HEATR1: variants seen among roughly 807,000 people sequenced by gnomAD.
HEATR1 encodes HEAT repeat-containing protein 1.
HEATR1 carries 77 observed loss-of-function variants against 248.2 expected under a neutral mutation model. The observed-to-expected ratio is 0.31, with a 90% CI of 0.26 to 0.37. HEATR1 has a LOEUF of 0.37. Among genes scored for constraint, HEATR1 ranks in the 10% least tolerant of loss-of-function variants. The pLI is 1.00. For missense variants in HEATR1, 2,420 were observed against 2,504.9 expected, an observed-to-expected ratio of 0.97 and a Z score of 0.72; for synonymous variants, 897 against 923.1, an observed-to-expected ratio of 0.97 and a Z score of 0.51.
Position 236,599,576 on chromosome 1 carries a change from C to G in HEATR1, c.408G>C (p.Leu136=). 6.2e-7 allele frequency: 1 copy of G among 1,613,586 alleles called. No individual in the cohort carries two copies. Among genetic ancestry groups the G allele is most frequent in the Non-Finnish European group, 8.5e-7 (1 of 1,179,726 alleles). The change falls in exon 4 of 45, where the codon CTG becomes CTC. Residue 136 remains leucine, a synonymous_variant. Coordinates refer to ENST00000366582, the MANE Select transcript of HEATR1 (RefSeq NM_018072.6). The part of the protein sequence containing the change: ...YNQDSLIACV[L]PYHETRIFVR... ...CAAATATTCTTGTCTCGTGGTATGGCAGAACACAAGCAATGAGGCTATCTT... is the reference window on the plus strand; with the variant it reads ...CAAATATTCTTGTCTCGTGGTATGGGAGAACACAAGCAATGAGGCTATCTT...
chr1:236,573,271 C>T (rs1023057526), intron 24 of HEATR1, among the ~76,000 whole-genome samples: 3 of 152,124 alleles, frequency 2.0e-5, no homozygotes, highest in Non-Finnish European at 2.9e-5. Context: ...TCATCCATAC[C>T]GATTGTTTCC....
In HEATR1 at chr1:236,592,060, G is replaced by A. The variant is rs777080330; in HGVS notation, c.1355C>T (p.Ala452Val). Residue 452 changes from alanine (A) to valine (V), a missense_variant, in exon 11 of 45, where the codon GCA (alanine) becomes GTA (valine). Physicochemically the swap from Ala to Val is moderately conservative, Grantham distance 64. Coordinates refer to ENST00000366582, the MANE Select transcript of HEATR1 (RefSeq NM_018072.6). The stretch of plus-strand genomic sequence containing the variant: ...GAAAAGCTCTTGTTTTTTCAGATCT[G>A]CAATTTCCTTTAAGTGTTCCTCTAA... Reference protein sequence around the residue: ...VVLEEHLKEIADLKKQELFHQ... With the variant: ...VVLEEHLKEIVDLKKQELFHQ... 2 of 1,608,390 alleles carry A rather than the reference G, an allele frequency of 1.2e-6. No homozygotes were observed. Among genetic ancestry groups the A allele is most frequent in the Admixed American group, 1.7e-5 (1 of 59,968 alleles).
chr1:236,587,431 T>G lies in HEATR1; in HGVS notation c.1686A>C (p.Gln562His), dbSNP rs772707877. The change falls in exon 14 of 45, where the codon CAA becomes CAC. Residue 562 changes from glutamine (Q) to histidine (H), a missense_variant. By Grantham distance (24) the Gln-to-His change is conservative. Coordinates refer to ENST00000366582, the MANE Select transcript of HEATR1 (RefSeq NM_018072.6). ...VTISNLLNLF[Q>H]RAELSKNGEW... is the part of the protein sequence containing the mutation. ...CTCCATTCTTTGAAAGTTCTGCTCT[T>G]TGAAAGAGATTCAGAAGATTTGAAA... 3 of 1,536,128 alleles carry G rather than the reference T, an allele frequency of 2.0e-6. No individual in the cohort carries two copies. In the South Asian group the frequency reaches 3.8e-5, roughly 20 times the overall value.
At chr1:236,595,718 G>T (rs773211842) in intron 7 of HEATR1, 45 bp from the exon 8 acceptor site, 1 of 1,570,550 alleles carries the variant, frequency 6.4e-7, no homozygotes, top group South Asian at 1.2e-5. Context: ...TTACAAGTTA[G>T]ACAATGAGTA....
intron 28 of HEATR1, among the ~76,000 whole-genome samples, chr1:236,570,909 A>C (rs1663408919): frequency 6.6e-6 from 1 of 152,202 alleles, no homozygotes; most frequent in Non-Finnish European, 1.5e-5. Context: ...TTTTTCATAA[A>C]AGGGACATGA....
chr1:236,567,778 G>T (rs1360553554), intron 29 of HEATR1, among the ~76,000 whole-genome samples: 1 of 152,196 alleles, frequency 6.6e-6, no homozygotes. Flanking sequence ...TGCCAAATAT[G>T]TGACACTGAT....
At chr1:236,587,517 G>A (rs1364374435) in intron 13 of HEATR1, 27 bp from the exon 14 acceptor site, 3 of 1,173,436 alleles carry the variant, frequency 2.6e-6, no homozygotes, top group Non-Finnish European at 3.6e-6. Flanking sequence ...ATCCAGAGTA[G>A]ATTTGTACTT....
chr1:236,569,815 A>G (rs1663375452), intron 28 of HEATR1, among the ~76,000 whole-genome samples: 1 of 152,222 alleles, frequency 6.6e-6, no homozygotes, highest in African/African-American at 2.4e-5. Context: ...ACATGTCCAC[A>G]CAAAACCATG....
chr1:236,576,720 AAAATTGCTCCAGTACACAGAGGCATG>A, intron 21 of HEATR1, 34 bp downstream of exon 21: 1 of 1,460,994 alleles, frequency 6.8e-7, no homozygotes, highest in South Asian at 1.4e-5. Flanking sequence ...GAGAATGGAG[AAAATTGCTCCAGTACACAGAGGCATG>A]AACACACTCA....
At chr1:236,570,095 T>C (rs867391543) in intron 28 of HEATR1, among the ~76,000 whole-genome samples, 1 of 152,118 alleles carries the variant, frequency 6.6e-6, no homozygotes, top group Non-Finnish European at 1.5e-5. Flanking sequence ...GAGACCATCC[T>C]GGCTAACACG....
intron 17 of HEATR1, 62 bp downstream of exon 17, chr1:236,584,963 C>T: frequency 7.0e-7 from 1 of 1,425,076 alleles, no homozygotes; most frequent in Non-Finnish European, 9.6e-7. Flanking sequence ...TTTGCTGTGA[C>T]TAATAGGCCA....
At position 236,564,658 on chromosome 1, in the gene HEATR1, G is replaced by T. The variant is rs202229409; in HGVS notation, c.4439C>A (p.Thr1480Asn). ...ATTAAATGACACTGCTTTGGGAATG[G>T]TTTCTGAAACAGCAATAAAACAAGT... ...LLKLPEEKEE[T>N]IPKAVSFNKS... The change falls in exon 32 of 45, where the codon ACC becomes AAC. Residue 1480 changes from threonine (T) to asparagine (N), a missense_variant. By Grantham distance (65) the Thr-to-Asn change is moderately conservative (BLOSUM62 0). Coordinates refer to ENST00000366582, the MANE Select transcript of HEATR1 (RefSeq NM_018072.6). 1.6e-5 allele frequency: 25 copies of T among 1,608,856 alleles called. No homozygotes were observed. The highest frequency in any genetic ancestry group is 2.1e-5 in the Non-Finnish European group (25 of 1,178,502).
intron 32 of HEATR1, among the ~76,000 whole-genome samples, chr1:236,562,115 G>C (rs1663146837): frequency 6.6e-6 from 1 of 152,180 alleles, no homozygotes; most frequent in African/African-American, 2.4e-5. Flanking sequence ...TTGCCAATTT[G>C]ATGGGTATCA....
chr1:236,580,623 C>T (rs1558186456), intron 20 of HEATR1, among the ~76,000 whole-genome samples: 1 of 147,934 alleles, frequency 6.8e-6, no homozygotes, highest in East Asian at 2.0e-4. Context: ...CACAAGCCAT[C>T]TGCCTACCTC....
intron 30 of HEATR1, 55 bp from the exon 31 acceptor site, chr1:236,566,100 A>G (rs372117634): frequency 1.3e-6 from 2 of 1,555,426 alleles, no homozygotes; most frequent in South Asian, 1.2e-5. Context: ...GTGAAGGCAT[A>G]ATTTCAGGAT....
chr1:236,552,117 A>T lies in HEATR1; in HGVS notation c.6238-10T>A, dbSNP rs138154441. On this transcript the variant is annotated splice_polypyrimidine_tract_variant and intron_variant, in intron 43 of 44. Coordinates refer to ENST00000366582, the MANE Select transcript of HEATR1 (RefSeq NM_018072.6). The stretch of plus-strand genomic sequence containing the variant: ...AAGCAGCAAATCGAACCTGAAAGGG[A>T]TAAAAGAGCAAAGAAATAAAAAGTA... The T allele has an allele frequency of 2.0e-4, 315 of 1,551,974 alleles. No individual in the cohort carries two copies. In the African/African-American group the frequency reaches 2.1e-3, roughly 10 times the overall value.
rs1266969522 is a variant in HEATR1, at chr1:236,604,091, G to A, written c.5C>T (p.Thr2Met). Residue 2 changes from threonine (T) to methionine (M), a missense_variant, in exon 2 of 45, where the codon ACG (threonine) becomes ATG (methionine). By Grantham distance (81) the Thr-to-Met change is moderately conservative. Transcript: ENST00000366582. M[T>M]SLAQQLQRLA... ...TCGTTGCAGCTGCTGGGCTAAGGAC[G>A]TCATCTTTCACGCCAGCGGAGTTTT... 3.8e-6 allele frequency: 6 copies of A among 1,558,704 alleles called. No individual in the cohort carries two copies. The highest frequency in any genetic ancestry group is 4.5e-5 in the Admixed American group (2 of 44,352).
At position 236,574,759 on chromosome 1, in the gene HEATR1, C is replaced by T. The variant is rs761095912; in HGVS notation, c.3229G>A (p.Glu1077Lys). 6.2e-7 allele frequency: 1 copy of T among 1,613,894 alleles called. No individual in the cohort carries two copies. Among genetic ancestry groups the T allele is most frequent in the Non-Finnish European group, 8.5e-7 (1 of 1,179,854 alleles). ...YNEFSVSLLN[E>K]DPKSLDIFIK... ...AATATATCTAGACTCTTCGGATCCT[C>T]ATTTAAAAGGGAAACTGAAAATTCA... The change falls in exon 23 of 45, where the codon GAG (glutamate) becomes AAG (lysine). Residue 1077 changes from glutamate (E) to lysine (K), a missense_variant. Coordinates refer to ENST00000366582, the MANE Select transcript of HEATR1 (RefSeq NM_018072.6).
At chr1:236,567,007 G>A in intron 29 of HEATR1, 131 bp from the exon 30 acceptor site, 1 of 641,768 alleles carries the variant, frequency 1.6e-6, no homozygotes, top group South Asian at 2.0e-5. Context: ...TTTTTTTAGA[G>A]ACAGGGTCTT....
Sources: allele counts gnomAD v4.1 joint callset (sites outside exome capture counted in the v4.1 genomes callset), GRCh38; gene constraint gnomAD v4.1.1; transcripts MANE v1.5; gene names NCBI Gene and HGNC (gene_info 2026-07-23, HGNC 2026-07-21).